The following PCOLCE2 variants were observed in gnomAD, a reference collection of about 807,000 sequenced individuals.
The protein encoded by PCOLCE2 is procollagen C-endopeptidase enhancer 2, also known as procollagen C-proteinase enhancer 2.
In PCOLCE2, 42 loss-of-function variants were observed where a neutral mutation model predicts 47.0. That is an observed-to-expected ratio of 0.89 (90% CI 0.70 to 1.16). The LOEUF (loss-of-function observed/expected upper bound fraction) is 1.16. Ranked by LOEUF, PCOLCE2 falls within the 50% of genes most tolerant of loss-of-function variation. The pLI, the probability that PCOLCE2 is intolerant of heterozygous loss-of-function variation, is 0.00. For missense variants in PCOLCE2, 500 were observed against 526.1 expected, an observed-to-expected ratio of 0.95 and a Z score of 0.49; for synonymous variants, 169 against 191.7, an observed-to-expected ratio of 0.88 and a Z score of 0.98.
At chr3:142,880,146 C>T (rs9809101) in intron 2 of PCOLCE2, among the ~76,000 whole-genome samples, 3,641 of 147,784 alleles carry the variant, frequency 0.025, 131 homozygotes, top group African/African-American at 0.084. Context: ...ACTATTCTTA[C>T]ATAAAAATAA....
At chr3:142,826,803 G>A (rs1937084464) in intron 6 of PCOLCE2, among the ~76,000 whole-genome samples, 2 of 152,060 alleles carry the variant, frequency 1.3e-5, no homozygotes, top group Admixed American at 6.6e-5. Context: ...TCTCATCAAC[G>A]CTTGACTCAC....
At chr3:142,818,693 G>A (rs889933173) in intron 8 of PCOLCE2, among the ~76,000 whole-genome samples, 2 of 152,150 alleles carry the variant, frequency 1.3e-5, no homozygotes, top group Non-Finnish European at 1.5e-5. Context: ...CGATTCTCCT[G>A]CCTCAGACTC....
intron 3 of PCOLCE2, among the ~76,000 whole-genome samples, chr3:142,843,510 A>G (rs1937291451): frequency 6.6e-6 from 1 of 150,716 alleles, no homozygotes; most frequent in South Asian, 2.1e-4. Flanking sequence ...TATAATATAT[A>G]TATGTTTTAA....
intron 2 of PCOLCE2, among the ~76,000 whole-genome samples, chr3:142,848,870 T>C (rs183209874): frequency 1.1e-4 from 16 of 152,298 alleles, no homozygotes; most frequent in Admixed American, 5.9e-4. Context: ...ATATCATTTC[T>C]TGGCCAGGCA....
chr3:142,881,890 C>G (rs1933629037), intron 2 of PCOLCE2, among the ~76,000 whole-genome samples: 1 of 152,070 alleles, frequency 6.6e-6, no homozygotes, highest in Non-Finnish European at 1.5e-5. Context: ...ACGCTTTTTT[C>G]TTCATGGAGT....
intron 2 of PCOLCE2, among the ~76,000 whole-genome samples, chr3:142,872,637 A>G (rs1333234552): frequency 1.3e-5 from 2 of 152,208 alleles, no homozygotes; most frequent in South Asian, 2.1e-4. Flanking sequence ...TGTTGCATCC[A>G]TAACAGGTGT....
At chr3:142,873,988 C>A (rs189513231) in intron 2 of PCOLCE2, among the ~76,000 whole-genome samples, 9 of 152,314 alleles carry the variant, frequency 5.9e-5, no homozygotes, top group Admixed American at 4.6e-4. Flanking sequence ...GCAGGAGGAG[C>A]CTGGTGGGAG....
intron 2 of PCOLCE2, among the ~76,000 whole-genome samples, chr3:142,856,453 C>T (rs970012081): frequency 6.6e-6 from 1 of 152,180 alleles, no homozygotes; most frequent in African/African-American, 2.4e-5. Context: ...GACAGGACTT[C>T]AGGTTATGCC....
intron 2 of PCOLCE2, among the ~76,000 whole-genome samples, chr3:142,876,885 A>G (rs1933506597): frequency 6.6e-6 from 1 of 152,220 alleles, no homozygotes; most frequent in Non-Finnish European, 1.5e-5. Flanking sequence ...GGATGCCAGA[A>G]AAAGGCATGA....
chr3:142,856,640 G>A (rs1045183439), intron 2 of PCOLCE2, among the ~76,000 whole-genome samples: 1 of 152,220 alleles, frequency 6.6e-6, no homozygotes, highest in Non-Finnish European at 1.5e-5. Context: ...GGTAGATGCA[G>A]CAGGATGAGG....
At chr3:142,844,475 A>T (rs559567781) in intron 3 of PCOLCE2, among the ~76,000 whole-genome samples, 2 of 152,204 alleles carry the variant, frequency 1.3e-5, no homozygotes, top group Non-Finnish European at 2.9e-5. Flanking sequence ...AACTTCATAA[A>T]AAACTACTGG....
intron 8 of PCOLCE2, among the ~76,000 whole-genome samples, chr3:142,820,039 G>A (rs981005829): frequency 2.6e-5 from 4 of 152,068 alleles, no homozygotes; most frequent in African/African-American, 9.7e-5. Context: ...GAACTTGTGT[G>A]TGATATGATT....
At chr3:142,829,611 C>T in intron 6 of PCOLCE2, 81 bp downstream of exon 6, 1 of 1,037,488 alleles carries the variant, frequency 9.6e-7, no homozygotes. Context: ...AAGTATCTTC[C>T]TCTTATTTTT....
intron 4 of PCOLCE2, among the ~76,000 whole-genome samples, chr3:142,840,858 G>A (rs1937256596): frequency 6.6e-6 from 1 of 152,152 alleles, no homozygotes; most frequent in East Asian, 1.9e-4. Flanking sequence ...GGCAGATCAT[G>A]AGGTCAGGAG....
chr3:142,880,373 T>C (rs556687653), intron 2 of PCOLCE2, among the ~76,000 whole-genome samples: 11 of 152,296 alleles, frequency 7.2e-5, no homozygotes, highest in African/African-American at 2.4e-4. Flanking sequence ...GCTGTGGTTA[T>C]ACCAGGCAAA....
chr3:142,818,709 T>G (rs766667501), intron 8 of PCOLCE2, among the ~76,000 whole-genome samples: 1 of 152,166 alleles, frequency 6.6e-6, no homozygotes, highest in Non-Finnish European at 1.5e-5. Context: ...GACTCCAAAG[T>G]AGCTGGGACT....
At chr3:142,833,977 T>C (rs1005832864) in intron 5 of PCOLCE2, among the ~76,000 whole-genome samples, 1 of 152,192 alleles carries the variant, frequency 6.6e-6, no homozygotes. Flanking sequence ...TGATTTTTTG[T>C]GTGATATTAG....
intron 5 of PCOLCE2, among the ~76,000 whole-genome samples, chr3:142,837,985 T>G (rs1368996812): frequency 6.6e-6 from 1 of 152,244 alleles, no homozygotes; most frequent in Non-Finnish European, 1.5e-5. Context: ...TTTGGGTTTG[T>G]CGTAAACTTC....
chr3:142,841,183 A>G (rs2108193624), intron 4 of PCOLCE2, among the ~76,000 whole-genome samples: 1 of 152,298 alleles, frequency 6.6e-6, no homozygotes, highest in African/African-American at 2.4e-5. Context: ...ATGGTAAGGT[A>G]ATTCTTTAAT....
Sources: gnomAD v4.1 joint callset for allele counts (sites outside exome capture counted in the v4.1 genomes callset) on GRCh38, gnomAD v4.1.1 for gene constraint, MANE v1.5 for transcripts, NCBI Gene and HGNC (gene_info 2026-07-23, HGNC 2026-07-21) for gene names.